The following DGKB variants were observed in gnomAD, a reference collection of about 807,000 sequenced individuals.
DGKB encodes 90 kDa diacylglycerol kinase.
DGKB carries 67 observed loss-of-function variants against 114.3 expected under a neutral mutation model. The observed-to-expected ratio is 0.59, with a 90% CI of 0.48 to 0.72. The LOEUF is 0.72. Among genes scored for constraint, DGKB ranks in the 30% least tolerant of loss-of-function variants. The pLI is 0.00. For missense variants in DGKB, 907 were observed against 975.2 expected (o/e 0.93, Z 0.93); for synonymous variants, 398 against 323.1 (o/e 1.23, Z -2.49).
chr7:14,729,997 T>G (rs1830679910), intron 5 of DGKB, among the ~76,000 whole-genome samples: 1 of 152,134 alleles, frequency 6.6e-6, no homozygotes, highest in Non-Finnish European at 1.5e-5. Flanking sequence ...ATAAAACAAT[T>G]AGGAAGAAAC....
upstream of DGKB, chr7:14,903,342 G>C (rs559859299): frequency 6.6e-6 from 1 of 152,332 alleles, no homozygotes; most frequent in Non-Finnish European, 1.5e-5. Flanking sequence ...TACTCTTGCT[G>C]ATGGAGCTCA....
In DGKB at chr7:14,678,622, T is replaced by A. The variant is rs562435823; in HGVS notation, c.1035+3931A>T. Among the ~76,000 whole-genome samples, 24 of 152,134 alleles carry A rather than the reference T, an allele frequency of 1.6e-4. No homozygotes were observed. The East Asian group carries it at 4.4e-3, about 28-fold the overall frequency. The stretch of plus-strand genomic sequence containing the variant: ...AAAACCAACTTGATGCAAGGGGTGT[T>A]GAGGGCTGCATTTATTATCACAGAA... On this transcript the variant is annotated intron_variant, in intron 12 of 25. Transcript: ENST00000402815.
intron 2 of DGKB, among the ~76,000 whole-genome samples, chr7:14,766,271 A>T (rs1836442143): frequency 6.6e-6 from 1 of 152,148 alleles, no homozygotes; most frequent in East Asian, 1.9e-4. Context: ...AAGATAGATT[A>T]CAAACATAAT....
chr7:14,687,600 T>C (rs906888807), intron 9 of DGKB, among the ~76,000 whole-genome samples: 4 of 152,096 alleles, frequency 2.6e-5, no homozygotes, highest in East Asian at 1.9e-4. Flanking sequence ...AACATCCTTA[T>C]GTGGAAAGGT....
chr7:14,192,829 C>T (rs1784494023), intron 23 of DGKB, among the ~76,000 whole-genome samples: 4 of 151,634 alleles, frequency 2.6e-5, no homozygotes, highest in Admixed American at 2.0e-4. Flanking sequence ...TCAGTGGGAC[C>T]CCTAAGCTTG....
intron 23 of DGKB, among the ~76,000 whole-genome samples, chr7:14,240,085 T>C (rs972247153): frequency 6.6e-6 from 1 of 152,080 alleles, no homozygotes; most frequent in African/African-American, 2.4e-5. Context: ...GATAACACCA[T>C]AGAGGCACAT....
chr7:14,189,179 C>A (rs142507204), intron 23 of DGKB, among the ~76,000 whole-genome samples: 2 of 152,008 alleles, frequency 1.3e-5, no homozygotes, highest in African/African-American at 2.4e-5. Context: ...CTAGTATGAA[C>A]GTTTAATGTC....
At chr7:14,957,104 A>T (rs899333789) in intron 1 of DGKB, among the ~76,000 whole-genome samples, 1 of 151,994 alleles carries the variant, frequency 6.6e-6, no homozygotes, top group Non-Finnish European at 1.5e-5. Context: ...TTCTGTTTCA[A>T]AGTTTAGCAT....
chr7:14,429,579 TCTC>T (rs1021072863), intron 21 of DGKB, among the ~76,000 whole-genome samples: 4 of 152,236 alleles, frequency 2.6e-5, no homozygotes, highest in Admixed American at 1.3e-4. Context: ...AAGAGTCTGA[TCTC>T]CTCTTCACTC....
At chr7:14,191,285 G>C (rs1329533687) in intron 23 of DGKB, 1 of 154,976 alleles carries the variant, frequency 6.5e-6, no homozygotes, top group Non-Finnish European at 1.4e-5. Context: ...AGCCAGAAAA[G>C]GTACAAAGAA....
intron 2 of DGKB, among the ~76,000 whole-genome samples, chr7:14,810,229 G>C (rs565311364): frequency 1.2e-4 from 19 of 152,274 alleles, no homozygotes; most frequent in Non-Finnish European, 2.4e-4. Flanking sequence ...TTCTCAAGAT[G>C]CTACAATGAT....
intron 20 of DGKB, among the ~76,000 whole-genome samples, chr7:14,534,881 T>G (rs1213552398): frequency 6.6e-6 from 1 of 152,136 alleles, no homozygotes; most frequent in Admixed American, 6.6e-5. Context: ...AGAAATCAAT[T>G]GCAGAAAGAA....
intron 2 of DGKB, among the ~76,000 whole-genome samples, chr7:14,776,142 C>T (rs1838135800): frequency 6.6e-6 from 1 of 151,994 alleles, no homozygotes; most frequent in Non-Finnish European, 1.5e-5. Flanking sequence ...GCTGTAGATA[C>T]CTGTGGAAAT....
chr7:14,725,467 A>T (rs1205092108), intron 5 of DGKB, among the ~76,000 whole-genome samples: 1 of 152,186 alleles, frequency 6.6e-6, no homozygotes, highest in African/African-American at 2.4e-5. Flanking sequence ...TATTTATCAC[A>T]TGAAAAGAAA....
At position 14,945,574 on chromosome 7, in the gene DGKB, T is replaced by C. The variant is rs532412336; in HGVS notation, c.-188+29122A>G. 1.1e-3 allele frequency among the ~76,000 whole-genome samples: 174 copies of C among 151,912 alleles called. 1 individual carries two copies. Among genetic ancestry groups the C allele is most frequent in the Middle Eastern group, 3.4e-3 (1 of 294 alleles). On this transcript the variant is annotated intron_variant, in intron 1 of 4. Transcript: ENST00000437998. ...TTAATGTTAGCAACTGTAGTAATTG[T>C]TCTCCTGTACATTCACACACAGGCA...
At chr7:14,401,727 C>A (rs186658007) in intron 21 of DGKB, among the ~76,000 whole-genome samples, 1 of 151,768 alleles carries the variant, frequency 6.6e-6, no homozygotes, top group Non-Finnish European at 1.5e-5. Context: ...TAGTCCCTTT[C>A]CAGCATTATA....
chr7:14,881,294 G>A (rs961959873), intron 1 of DGKB, among the ~76,000 whole-genome samples: 3 of 152,026 alleles, frequency 2.0e-5, no homozygotes, highest in African/African-American at 4.8e-5. Context: ...TAAATTGATT[G>A]CTCTTATTCT....
intron 14 of DGKB, among the ~76,000 whole-genome samples, chr7:14,628,619 A>G (rs1172156855): frequency 1.3e-5 from 2 of 152,164 alleles, no homozygotes; most frequent in African/African-American, 4.8e-5. Context: ...TAATGTATGT[A>G]TATATCTTTC....
At chr7:14,878,769 CA>C (rs780714176) in intron 1 of DGKB, among the ~76,000 whole-genome samples, 147 of 95,398 alleles carry the variant, frequency 1.5e-3, no homozygotes, top group Non-Finnish European at 8.3e-4. Context: ...AAAAAAAAAA[CA>C]AAAAAAAAAA....
Sources: allele counts gnomAD v4.1 joint callset (sites outside exome capture counted in the v4.1 genomes callset), GRCh38; gene constraint gnomAD v4.1.1; transcripts MANE v1.5; gene names NCBI Gene and HGNC (gene_info 2026-07-23, HGNC 2026-07-21).